The following COL16A1 variants were observed in gnomAD, a reference collection of about 807,000 sequenced individuals.
COL16A1 encodes collagen alpha-1(XVI) chain.
Under a neutral mutation model 266.3 loss-of-function variants are expected in COL16A1, and 189 were observed. That is an observed-to-expected ratio of 0.71 (90% CI 0.63 to 0.80). COL16A1 has a LOEUF of 0.80. COL16A1 is among the 30% of genes least tolerant of loss of function. The pLI is 0.00. For missense variants in COL16A1, 1,928 were observed against 2,122.4 expected (o/e 0.91, Z 1.80); for synonymous variants, 740 against 782.3 (o/e 0.95, Z 0.90).
Position 31,652,710 on chromosome 1 carries a change from C to A in COL16A1, c.4756G>T (p.Ala1586Ser). Reference sequence around the variant, plus strand: ...GGGTACTGCTGCTCCATCGGCATGGCCCCAAAGCAGTCAGAGGGATTACAG... The same window carrying A: ...GGGTACTGCTGCTCCATCGGCATGGACCCAAAGCAGTCAGAGGGATTACAG... Reference protein sequence around the residue: ...GHCNPSDCFGAMPMEQQYPPM... With the variant: ...GHCNPSDCFGSMPMEQQYPPM... Residue 1586 changes from alanine (A) to serine (S), a missense_variant, in exon 71 of 71, where the codon GCC becomes TCC. This residue lies in a region of COL16A1 where 376 missense variants were observed against 485.2 expected (regional missense o/e 0.77). Transcript: ENST00000373672. The surrounding 1 kb of genome is among the most constrained non-coding windows in gnomAD (Gnocchi z 4.8). 1 of 1,607,700 alleles carries A rather than the reference C, an allele frequency of 6.2e-7. No individual in the cohort carries two copies. Among genetic ancestry groups the A allele is most frequent in the Non-Finnish European group, 8.5e-7 (1 of 1,178,110 alleles).
intron 26 of COL16A1, among the ~76,000 whole-genome samples, chr1:31,687,897 G>T (rs1227797431): frequency 2.6e-5 from 4 of 152,206 alleles, no homozygotes; most frequent in African/African-American, 9.7e-5. Context: ...AGAAGTTCAA[G>T]CCTGCCATTT....
intron 23 of COL16A1, chr1:31,689,356 G>A: frequency 1.7e-6 from 1 of 597,524 alleles, no homozygotes; most frequent in Non-Finnish European, 2.9e-6. Flanking sequence ...GCTCCCAGGT[G>A]CTCCTGAAAG....
Position 31,694,152 on chromosome 1 carries a change from C to T in COL16A1, c.1000G>A (p.Gly334Ser). 1 of 1,599,114 alleles carries T rather than the reference C, an allele frequency of 6.3e-7. No homozygotes were observed. The highest frequency in any genetic ancestry group is 8.5e-7 in the Non-Finnish European group (1 of 1,170,256). Residue 334 changes from glycine (G) to serine (S), a missense_variant, in exon 12 of 71, where the codon GGC (glycine) becomes AGC (serine). Physicochemically the swap from Gly to Ser is moderately conservative, Grantham distance 56 (BLOSUM62 0). Transcript: ENST00000373672. ...RDSNVTLAPSGPKGGKGERGL... is the reference protein window; with the variant it reads ...RDSNVTLAPSSPKGGKGERGL... ...TCTCCATTAGGACTCACCTTGGGGCCAGAGGGAGCAAGTGTGACCTGAGGG... is the reference window on the plus strand; with the variant it reads ...TCTCCATTAGGACTCACCTTGGGGCTAGAGGGAGCAAGTGTGACCTGAGGG...
chr1:31,689,057 C>T lies in COL16A1; in HGVS notation c.1649G>A (p.Gly550Glu). Residue 550 changes from glycine (G) to glutamate (E), a missense_variant, in exon 24 of 71, where the codon GGA becomes GAA. Physicochemically the swap from Gly to Glu is moderately conservative, Grantham distance 98. Around this residue, in one of 2 missense-constraint regions of COL16A1, gnomAD observed 1,552 missense variants for 1,637.2 expected, o/e 0.95. Transcript: ENST00000373672. The stretch of plus-strand genomic sequence containing the variant: ...AGAGCAGGGTTCCCTCACCTTCTCT[C>T]CTTTGATGCCTTGGATGCCAGGGTC... ...RGDPGIQGIK[G>E]EKGEPCLSCS... 6.2e-7 allele frequency: 1 copy of T among 1,613,926 alleles called. No homozygotes were observed. The highest frequency in any genetic ancestry group is 8.5e-7 in the Non-Finnish European group (1 of 1,180,006).
rs1370359293 is a variant in COL16A1, at chr1:31,658,591, A to C, written c.3931-14T>G. The C allele has an allele frequency of 6.3e-7, 1 of 1,593,184 alleles. No individual in the cohort carries two copies. Among genetic ancestry groups the C allele is most frequent in the South Asian group, 1.1e-5 (1 of 87,334 alleles). ...TCCTTTCAGACCCTAGAGAATAGGA[A>C]GGGGGACAGTGAGAGGGGAGGAAAG... On this transcript the variant is annotated splice_polypyrimidine_tract_variant and intron_variant, in intron 63 of 70. Coordinates refer to ENST00000373672, the MANE Select transcript of COL16A1 (RefSeq NM_001856.4).
chr1:31,679,842 C>T lies in COL16A1; in HGVS notation c.2680G>A (p.Gly894Arg). Residue 894 changes from glycine to arginine, a missense_variant, in exon 41 of 71, where the codon GGA becomes AGA. Gly to Arg is a moderately radical substitution (Grantham distance 125). Transcript: ENST00000373672. ...LIFSGMPGAP[G>R]LWMGSSWQPG... ...TGCCAGGAGCTGCCCATCCAAAGTCCCGGAGCACCCTGGGTGGGAGTGGGG... is the reference window on the plus strand; with the variant it reads ...TGCCAGGAGCTGCCCATCCAAAGTCTCGGAGCACCCTGGGTGGGAGTGGGG... The T allele has an allele frequency of 6.5e-7, 1 of 1,529,312 alleles. No homozygotes were observed. The highest frequency in any genetic ancestry group is 1.4e-5 in the African/African-American group (1 of 72,430). 94.7% of individuals were successfully genotyped at this position (1,529,312 alleles called of 1,614,324 possible). A position where few individuals can be genotyped will look rare whatever the true frequency, so the allele number is the denominator to read the frequency against.
At chr1:31,696,298 G>A (rs1274943974) in intron 8 of COL16A1, among the ~76,000 whole-genome samples, 157 bp from the exon 9 acceptor site, 1 of 152,132 alleles carries the variant, frequency 6.6e-6, no homozygotes, top group Non-Finnish European at 1.5e-5. Flanking sequence ...AGGCCCCTGT[G>A]GCTGCCCCAA....
chr1:31,684,425 AG>A, intron 31 of COL16A1, 97 bp downstream of exon 31: 7 of 1,531,378 alleles, frequency 4.6e-6, no homozygotes, highest in Non-Finnish European at 6.1e-6. Context: ...ACAGCCGTTA[AG>A]GCCCCAGCTG....
chr1:31,691,146 G>A (rs1326147284), intron 20 of COL16A1, 42 bp downstream of exon 20: 1 of 1,603,308 alleles, frequency 6.2e-7, no homozygotes, highest in Non-Finnish European at 8.5e-7. Context: ...CTCCTGTCAA[G>A]CATGGAGCTC....
chr1:31,692,950 G>A (rs1644339944), intron 13 of COL16A1, 142 bp from the exon 14 acceptor site: 1 of 974,618 alleles, frequency 1.0e-6, no homozygotes, highest in African/African-American at 1.6e-5. Flanking sequence ...CCCCTAGAAA[G>A]ACCCTGGCCC....
chr1:31,662,604 C>A lies in COL16A1; in HGVS notation c.3610G>T (p.Gly1204Ter). The change falls in exon 57 of 71, where the codon GGA becomes TGA. Residue 1204 changes from glycine to a stop codon, truncating the protein, a stop_gained. Transcript: ENST00000373672. LOFTEE classifies it high-confidence loss of function. ...SGLPGSPGPP[G>*]PPGIQGPAGL... ...ACACTCACCTGAATCCCAGGAGGTC[C>A]CGGTGGCCCAGGGGAGCCAGGCAGG... 6.4e-7 allele frequency: 1 copy of A among 1,567,552 alleles called. No homozygotes were observed. The highest frequency in any genetic ancestry group is 2.3e-5 in the East Asian group (1 of 42,586).
intron 11 of COL16A1, 28 bp downstream of exon 11, chr1:31,695,158 C>G (rs1485827616): frequency 6.2e-7 from 1 of 1,613,130 alleles, no homozygotes; most frequent in East Asian, 2.2e-5. Flanking sequence ...CTTGCCCGCT[C>G]CACCCTGCAC....
Position 31,696,099 on chromosome 1 carries a change from T to G in COL16A1, c.907A>C (p.Arg303=). The change falls in exon 9 of 71, where the codon AGG becomes CGG. Residue 303 remains arginine, a synonymous_variant. Transcript: ENST00000373672. ...ACCCCCACCTCTACCTTTGCTCCCC[T>G]TTCTGCCTTCTGGCTGATTCTTCCC... ...LTGRISQKAE[R]GAKVHQETAA... 3.6e-6 allele frequency: 5 copies of G among 1,374,506 alleles called. No homozygotes were observed. Among genetic ancestry groups the G allele is most frequent in the Non-Finnish European group, 4.0e-6 (4 of 991,750 alleles). 85.1% of individuals were successfully genotyped at this position (1,374,506 alleles called of 1,614,324 possible).
At position 31,668,666 on chromosome 1, in the gene COL16A1, C is replaced by T. The variant is rs965808788; in HGVS notation, c.3249+136G>A. On this transcript the variant is annotated intron_variant, in intron 50 of 70. Transcript: ENST00000373672. This position sits in a 1 kb window ranked among gnomAD's most constrained non-coding sequence, Gnocchi z 5.8. ...TGGAAACCTCACACTGAGGGAATCC[C>T]GGCAGAAGGGCAGAGAGTCTCAAGG... The T allele has an allele frequency of 4.3e-5, 42 of 966,198 alleles. No individual in the cohort carries two copies. The East Asian group carries it at 5.0e-4, about 12-fold the overall frequency. 59.9% of individuals were successfully genotyped at this position (966,198 alleles called of 1,614,324 possible).
chr1:31,667,450 C>T lies in COL16A1; in HGVS notation c.3357+125G>A, dbSNP rs1165063168. ...CACAGCACCCAGCCTGTGCTGCAGGCTTGGGGGCAGGGGGGCAGCAGGGGT... is the reference window on the plus strand; with the variant it reads ...CACAGCACCCAGCCTGTGCTGCAGGTTTGGGGGCAGGGGGGCAGCAGGGGT... On this transcript the variant is annotated intron_variant, in intron 52 of 70. Coordinates refer to ENST00000373672, the MANE Select transcript of COL16A1 (RefSeq NM_001856.4). 3.9e-5 allele frequency: 30 copies of T among 764,976 alleles called. No individual in the cohort carries two copies. In the East Asian group the frequency reaches 7.9e-4, roughly 20 times the overall value. 47.4% of individuals were successfully genotyped at this position (764,976 alleles called of 1,614,324 possible).
At chr1:31,662,235 G>A (rs1159165347) in intron 58 of COL16A1, 99 bp downstream of exon 58, 19 of 1,550,632 alleles carry the variant, frequency 1.2e-5, no homozygotes, top group East Asian at 2.4e-5. Flanking sequence ...TGACAAAGAC[G>A]GGGATACTTC....
At chr1:31,662,287 CA>C in intron 58 of COL16A1, 46 bp downstream of exon 58, 2 of 1,591,664 alleles carry the variant, frequency 1.3e-6, no homozygotes, top group Admixed American at 1.8e-5. Flanking sequence ...GCTCCTCTGG[CA>C]AAAAGGAGAG....
chr1:31,664,195 AAGGGG>A lies in COL16A1; in HGVS notation c.3555+972_3555+976del, dbSNP rs1641934251. On this transcript the variant is annotated intron_variant, in intron 56 of 70. Transcript: ENST00000373672. The surrounding 1 kb of genome is among the most constrained non-coding windows in gnomAD (Gnocchi z 5.5). ...GAAGGGGAAGGGGAAGGGGAAGGGG[AAGGGG>A]GCTAGCAACCACCACTGTCCCAAGC... 1.4e-5 allele frequency among the ~76,000 whole-genome samples: 2 copies of A among 146,916 alleles called. No homozygotes were observed. The highest frequency in any genetic ancestry group is 5.3e-5 in the African/African-American group (2 of 37,638).
rs779957069 is a variant in COL16A1, at chr1:31,683,175, C to G, written c.2469+19G>C. 5.4e-5 allele frequency: 87 copies of G among 1,614,000 alleles called. No individual in the cohort carries two copies. Among genetic ancestry groups the G allele is most frequent in the Non-Finnish European group, 6.9e-5 (82 of 1,180,030 alleles). The stretch of plus-strand genomic sequence containing the variant: ...TCTGGAATACTGCAGGCCCAATACC[C>G]ATGGAGGCAGAGGCTCACCTGGGCA... On this transcript the variant is annotated intron_variant, in intron 36 of 70. Transcript: ENST00000373672.
Sources: gnomAD v4.1 joint callset for allele counts (sites outside exome capture counted in the v4.1 genomes callset) on GRCh38, gnomAD v4.1.1 for gene constraint, gnomAD v4.1.1 regional missense constraint, Gnocchi (gnomAD v3.1) non-coding constraint, MANE v1.5 for transcripts, NCBI Gene and HGNC (gene_info 2026-07-23, HGNC 2026-07-21) for gene names.